STARD5: variants seen among roughly 807,000 people sequenced by gnomAD.
STARD5 encodes the protein StAR related lipid transfer domain containing 5.
A neutral mutation model predicts 24.6 loss-of-function variants in STARD5; 26 were observed. The observed-to-expected ratio is 1.06, with a 90% CI of 0.77 to 1.47. STARD5 has a LOEUF of 1.47. Ranked by LOEUF, STARD5 falls within the 40% of genes most tolerant of loss-of-function variation. The pLI is 0.00. For synonymous variants in STARD5, 101 were observed against 99.7 expected (o/e 1.01, Z -0.07); for missense variants, 254 against 270.8 (o/e 0.94, Z 0.44).
chr15:81,323,008 T>A, intron 1 of STARD5, 60 bp from the exon 2 acceptor site: 1 of 1,589,866 alleles, frequency 6.3e-7, no homozygotes, highest in African/African-American at 1.3e-5. Context: ...TCACCTGGCT[T>A]AATCCCCTGT....
intron 5 of STARD5, among the ~76,000 whole-genome samples, chr15:81,314,247 G>A (rs889401540): frequency 2.0e-5 from 3 of 152,118 alleles, no homozygotes; most frequent in South Asian, 2.1e-4. Flanking sequence ...GAGAACTGGC[G>A]AATAATTTGA....
chr15:81,318,519 A>G lies in STARD5; in HGVS notation c.401-17T>C. ...CATGGGTGGCTGGAAGACAGTGCAG[A>G]ATCTCGGTGAGTTACAACTTCAGAC... On this transcript the variant is annotated splice_polypyrimidine_tract_variant and intron_variant, in intron 4 of 5. Transcript: ENST00000302824. 6.2e-7 allele frequency: 1 copy of G among 1,611,242 alleles called. No homozygotes were observed. Among genetic ancestry groups the G allele is most frequent in the Non-Finnish European group, 8.5e-7 (1 of 1,177,952 alleles).
Position 81,322,883 on chromosome 15 carries a change from C to G in STARD5, c.149+16G>C, listed in dbSNP as rs148137536. 7.4e-6 allele frequency: 12 copies of G among 1,614,024 alleles called. No individual in the cohort carries two copies. In the East Asian group the frequency reaches 1.3e-4, roughly 18 times the overall value. On this transcript the variant is annotated intron_variant, in intron 2 of 5. Transcript: ENST00000302824. ...TGCGGCACCTCTGGTAATCTTTGAACGAGGCATGCACTTACAGGTTCCCTG... is the reference window on the plus strand; with the variant it reads ...TGCGGCACCTCTGGTAATCTTTGAAGGAGGCATGCACTTACAGGTTCCCTG...
rs895372914 is a variant in STARD5, at chr15:81,319,409, G to A, written c.330C>T (p.Leu110=). 6.2e-7 allele frequency: 1 copy of A among 1,614,186 alleles called. No homozygotes were observed. Among genetic ancestry groups the A allele is most frequent in the Non-Finnish European group, 8.5e-7 (1 of 1,180,028 alleles). Residue 110 remains leucine, a synonymous_variant, in exon 4 of 6, where the codon CTC becomes CTT. Coordinates refer to ENST00000302824, the MANE Select transcript of STARD5 (RefSeq NM_181900.3). ...RTSTPSAAMK[L]ISPRDFVDLV... is the part of the protein sequence containing the mutation. ...AGTCCACAAAATCTCTGGGAGAAAT[G>A]AGCTTCATGGCAGCGGAGGGAGTGG...
intron 3 of STARD5, among the ~76,000 whole-genome samples, chr15:81,319,718 C>T (rs953412541): frequency 8.5e-5 from 13 of 152,206 alleles, no homozygotes; most frequent in African/African-American, 3.1e-4. Context: ...CTCATGTGAC[C>T]ATAAGAGGTA....
chr15:81,319,720 T>C (rs990590508), intron 3 of STARD5, among the ~76,000 whole-genome samples: 2 of 152,224 alleles, frequency 1.3e-5, no homozygotes, highest in African/African-American at 2.4e-5. Flanking sequence ...CATGTGACCA[T>C]AAGAGGTACC....
chr15:81,323,295 G>A (rs1893325509), intron 1 of STARD5: 1 of 355,898 alleles, frequency 2.8e-6, no homozygotes, highest in Non-Finnish European at 5.2e-6. Flanking sequence ...CTCTGGCAAC[G>A]ACAAAGAGAG....
chr15:81,321,370 G>C (rs913970526), intron 3 of STARD5, among the ~76,000 whole-genome samples: 1 of 152,074 alleles, frequency 6.6e-6, no homozygotes, highest in African/African-American at 2.4e-5. Flanking sequence ...CCAGCACTTT[G>C]GGGGGTCGAG....
intron 2 of STARD5, 51 bp downstream of exon 2, chr15:81,322,848 C>A: frequency 6.2e-7 from 1 of 1,611,268 alleles, no homozygotes; most frequent in East Asian, 2.2e-5. Flanking sequence ...CATAAAGATA[C>A]CAGGAAGGGT....
chr15:81,316,509 G>A (rs1901086059), intron 5 of STARD5, among the ~76,000 whole-genome samples: 1 of 152,138 alleles, frequency 6.6e-6, no homozygotes, highest in African/African-American at 2.4e-5. Flanking sequence ...AAACCTCTCT[G>A]TGCACCCACC....
In STARD5 at chr15:81,319,339, C is replaced by T. The variant is rs768473540; in HGVS notation, c.400G>A (p.Ala134Thr). 12 of 1,611,068 alleles carry T rather than the reference C, an allele frequency of 7.4e-6. No homozygotes were observed. The highest frequency in any genetic ancestry group is 6.7e-5 in the African/African-American group (5 of 74,836). ...GGCAGCTCCTCCGGGCATCACTCAC[C>T]GTTGGAACTGATGGTCCCATCCTCA... ...RYEDGTISSN[A>T]THVEHPLCPP... The change falls in exon 4 of 6, where the codon GCC becomes ACC. Residue 134 changes from alanine (A) to threonine (T), a missense_variant and splice_region_variant. Ala to Thr is a moderately conservative substitution (Grantham distance 58, BLOSUM62 0). Transcript: ENST00000302824.
chr15:81,320,937 A>G (rs1298688068), intron 3 of STARD5, among the ~76,000 whole-genome samples: 1 of 152,210 alleles, frequency 6.6e-6, no homozygotes, highest in Non-Finnish European at 1.5e-5. Flanking sequence ...CCTATCATCG[A>G]TCATCTATCT....
At chr15:81,322,793 G>C in intron 2 of STARD5, 106 bp downstream of exon 2, 1 of 1,456,374 alleles carries the variant, frequency 6.9e-7, no homozygotes, top group Non-Finnish European at 9.6e-7. Flanking sequence ...GAGGACAAGT[G>C]ATCACAGGTT....
intron 5 of STARD5, 183 bp from the exon 6 acceptor site, chr15:81,313,586 C>T (rs1900982375): frequency 2.2e-6 from 1 of 458,752 alleles, no homozygotes; most frequent in Non-Finnish European, 3.6e-6. Context: ...GGATGGAAAC[C>T]CATCCTGTCG....
chr15:81,322,731 A>G, intron 2 of STARD5, 168 bp downstream of exon 2: 1 of 1,298,438 alleles, frequency 7.7e-7, no homozygotes. Context: ...AAGCTTTCAC[A>G]AGAATACAGT....
At chr15:81,316,652 T>C (rs535226888) in intron 5 of STARD5, among the ~76,000 whole-genome samples, 4 of 152,360 alleles carry the variant, frequency 2.6e-5, no homozygotes, top group Admixed American at 6.5e-5. Flanking sequence ...GCTGCTGCTG[T>C]TATTATTGTC....
intron 3 of STARD5, among the ~76,000 whole-genome samples, chr15:81,320,546 G>C (rs1305552593): frequency 6.6e-6 from 1 of 152,194 alleles, no homozygotes; most frequent in Non-Finnish European, 1.5e-5. Context: ...GTCCCAGTGT[G>C]TAAAATCCTC....
At position 81,311,751 on chromosome 15, in the gene STARD5, GTAAGCACT is replaced by G. The variant is rs1900868034; in HGVS notation, c.*1497_*1504del. 1.3e-5 allele frequency: 2 copies of G among 152,326 alleles called. No homozygotes were observed. Among genetic ancestry groups the G allele is most frequent in the South Asian group, 4.1e-4 (2 of 4,824 alleles). 9.4% of individuals were successfully genotyped at this position (152,326 alleles called of 1,614,324 possible). ...GTGCTTGCCACAGAGCGGGGACTCG[GTAAGCACT>G]TAATGAATGAATGAATTCTAAGTCA... On this transcript the variant is annotated 3_prime_UTR_variant, in exon 6 of 6. Coordinates refer to ENST00000302824, the MANE Select transcript of STARD5 (RefSeq NM_181900.3).
In STARD5 at chr15:81,310,537, T is replaced by C. The variant is rs1027805431; in HGVS notation, c.*2719A>G. ...ACCATTTGTATCCACTTTTTAGACTTAATAGAAACATTGAAGATGAACATA... is the reference window on the plus strand; with the variant it reads ...ACCATTTGTATCCACTTTTTAGACTCAATAGAAACATTGAAGATGAACATA... On this transcript the variant is annotated 3_prime_UTR_variant, in exon 6 of 6. Coordinates refer to ENST00000302824, the MANE Select transcript of STARD5 (RefSeq NM_181900.3). 8 of 152,164 alleles carry C rather than the reference T, an allele frequency of 5.3e-5. No homozygotes were observed. The highest frequency in any genetic ancestry group is 1.9e-4 in the African/African-American group (8 of 41,426). 9.4% of individuals were successfully genotyped at this position (152,164 alleles called of 1,614,324 possible). A position where few individuals can be genotyped will look rare whatever the true frequency, so the allele number is the denominator to read the frequency against.
Sources: allele counts gnomAD v4.1 joint callset (sites outside exome capture counted in the v4.1 genomes callset), GRCh38; gene constraint gnomAD v4.1.1; transcripts MANE v1.5; gene names NCBI Gene and HGNC (gene_info 2026-07-23, HGNC 2026-07-21).